Variants in MYRIP observed in about 807,000 individuals in gnomAD.
MYRIP encodes the protein myosin VIIA and Rab interacting protein.
A neutral mutation model predicts 98.0 loss-of-function variants in MYRIP; 49 were observed. The ratio of observed to expected loss-of-function variants is 0.50; its 90% confidence interval spans 0.40 to 0.63. The LOEUF (loss-of-function observed/expected upper bound fraction) is 0.63, where lower values mean the gene tolerates loss of function less well. MYRIP is among the 30% of genes least tolerant of loss of function. The pLI is 0.00. For synonymous variants in MYRIP, 404 were observed against 409.5 expected, an observed-to-expected ratio of 0.99 and a Z score of 0.16; for missense variants, 1,004 against 1,058.2, an observed-to-expected ratio of 0.95 and a Z score of 0.71.
chr3:40,192,322 A>ATATATATATATATATATATT (rs1951245741), intron 10 of MYRIP, among the ~76,000 whole-genome samples: 1 of 27,446 alleles, frequency 3.6e-5, no homozygotes, highest in Admixed American at 5.3e-4. Flanking sequence ...ATATATATAT[A>ATATATATATATATATATATT]TATGTCATAT....
intron 2 of MYRIP, among the ~76,000 whole-genome samples, chr3:39,928,446 C>T (rs962501720): frequency 6.0e-5 from 9 of 150,724 alleles, no homozygotes; most frequent in African/African-American, 2.2e-4. Context: ...AAAATATTAA[C>T]AAAATGTAGC....
chr3:39,999,811 T>C (rs1273536910), intron 2 of MYRIP, among the ~76,000 whole-genome samples: 2 of 151,872 alleles, frequency 1.3e-5, no homozygotes, highest in Non-Finnish European at 1.5e-5. Flanking sequence ...ATTAAGAAAA[T>C]GTGGGACATA....
At chr3:40,163,394 G>T (rs966682151) in intron 5 of MYRIP, among the ~76,000 whole-genome samples, 1 of 152,104 alleles carries the variant, frequency 6.6e-6, no homozygotes, top group African/African-American at 2.4e-5. Flanking sequence ...ACTTGACTTG[G>T]GCTAAGGGAT....
intron 9 of MYRIP, among the ~76,000 whole-genome samples, chr3:40,183,318 A>G (rs1437866730): frequency 2.0e-5 from 3 of 152,214 alleles, no homozygotes; most frequent in African/African-American, 7.2e-5. Flanking sequence ...TGAGGAAGGC[A>G]TTGATGTTTG....
At chr3:40,049,537 G>C (rs373746361) in intron 3 of MYRIP, among the ~76,000 whole-genome samples, 1 of 151,576 alleles carries the variant, frequency 6.6e-6, no homozygotes, top group East Asian at 1.9e-4. Flanking sequence ...GGTGGTTCTC[G>C]CATCTCTCTC....
Position 40,044,221 on chromosome 3 carries a change from C to G in MYRIP, c.282C>G (p.Ser94=). The G allele has an allele frequency of 6.2e-7, 1 of 1,614,196 alleles. No individual in the cohort carries two copies. The highest frequency in any genetic ancestry group is 1.1e-5 in the South Asian group (1 of 91,082). ...TCAATGTCTGCAAGAGCTGCTGCTC[C>G]TACCAGAAGCACGAAAAGGCCTGGG... The part of the protein sequence containing the change: ...CKFNVCKSCC[S]YQKHEKAWVC... Residue 94 remains serine, a synonymous_variant, in exon 3 of 17, where the codon TCC becomes TCG. Coordinates refer to ENST00000302541, the MANE Select transcript of MYRIP (RefSeq NM_015460.4).
chr3:40,207,446 T>G (rs1488586751), intron 10 of MYRIP, among the ~76,000 whole-genome samples: 1 of 152,154 alleles, frequency 6.6e-6, no homozygotes, highest in Non-Finnish European at 1.5e-5. Flanking sequence ...TGATTTTCAC[T>G]CAGGACCAGA....
intron 6 of MYRIP, 67 bp downstream of exon 6, chr3:40,167,010 G>A: frequency 1.4e-6 from 2 of 1,411,824 alleles, no homozygotes; most frequent in Non-Finnish European, 2.0e-6. Context: ...CCAGGAGAAA[G>A]TGCAGGTTGT....
At chr3:40,075,546 C>T (rs896332525) in intron 3 of MYRIP, among the ~76,000 whole-genome samples, 1 of 152,186 alleles carries the variant, frequency 6.6e-6, no homozygotes, top group South Asian at 2.1e-4. Flanking sequence ...GTGCCTCAAT[C>T]CTCTTGAGTA....
At chr3:39,968,699 A>G (rs1347783242) in intron 2 of MYRIP, among the ~76,000 whole-genome samples, 2 of 152,144 alleles carry the variant, frequency 1.3e-5, no homozygotes, top group African/African-American at 4.8e-5. Flanking sequence ...TTTTTGTACC[A>G]GTACCATGCT....
chr3:39,839,078 C>T (rs542450375), intron 1 of MYRIP, among the ~76,000 whole-genome samples: 71 of 152,060 alleles, frequency 4.7e-4, no homozygotes, highest in African/African-American at 1.7e-3. Flanking sequence ...TGATTCTTCT[C>T]TCTTTTCTTC....
chr3:40,240,409 C>G (rs1480890848), intron 12 of MYRIP, among the ~76,000 whole-genome samples: 2 of 152,170 alleles, frequency 1.3e-5, no homozygotes, highest in Non-Finnish European at 2.9e-5. Flanking sequence ...GAGTGCCAGA[C>G]AGTGGGCGCA....
chr3:40,198,008 T>A (rs1434757519), intron 10 of MYRIP, among the ~76,000 whole-genome samples: 2 of 152,152 alleles, frequency 1.3e-5, no homozygotes, highest in Non-Finnish European at 2.9e-5. Flanking sequence ...GCCACAGTAT[T>A]GAATACAGAG....
intron 2 of MYRIP, among the ~76,000 whole-genome samples, chr3:39,959,610 C>T (rs1310595765): frequency 6.6e-6 from 1 of 151,146 alleles, no homozygotes; most frequent in Non-Finnish European, 1.5e-5. Flanking sequence ...CAGCATGGCA[C>T]ATGTATACAT....
intron 16 of MYRIP, among the ~76,000 whole-genome samples, chr3:40,252,240 C>A (rs1478131651): frequency 2.0e-5 from 3 of 152,192 alleles, no homozygotes; most frequent in African/African-American, 7.2e-5. Flanking sequence ...AACTGTTACT[C>A]TAGAAATCAC....
intron 2 of MYRIP, among the ~76,000 whole-genome samples, chr3:40,007,782 T>G (rs949138756): frequency 3.3e-5 from 5 of 152,218 alleles, no homozygotes; most frequent in South Asian, 2.1e-4. Context: ...AGGGAAGAGT[T>G]GCACTTCAGT....
In MYRIP at chr3:39,873,060, G is replaced by C. The variant is rs535518799; in HGVS notation, c.-30-27727G>C. On this transcript the variant is annotated intron_variant, in intron 1 of 16. Coordinates refer to ENST00000302541, the MANE Select transcript of MYRIP (RefSeq NM_015460.4). ...TGGTGTGAGATGATATCTCATTGTG[G>C]TTTTGATTTGCATTTCTCTGATGGC... Among the ~76,000 whole-genome samples the C allele has an allele frequency of 6.6e-3, 1,001 of 152,286 alleles. 13 individuals carry two copies. The highest frequency in any genetic ancestry group is 0.023 in the African/African-American group (945 of 41,562).
In MYRIP at chr3:40,152,722, CTG is replaced by C. The variant is rs1950145924; in HGVS notation, c.469+1541_469+1542del. On this transcript the variant is annotated intron_variant, in intron 4 of 16. Coordinates refer to ENST00000302541, the MANE Select transcript of MYRIP (RefSeq NM_015460.4). Reference sequence around the variant, plus strand: ...TTACACAGCTGCCTCTCCTGCCAGACTGTGATATGCAGGTGGTAGCTTGTTTA... The same window carrying C: ...TTACACAGCTGCCTCTCCTGCCAGACTGATATGCAGGTGGTAGCTTGTTTA... Among the ~76,000 whole-genome samples, 3 of 152,314 alleles carry C rather than the reference CTG, an allele frequency of 2.0e-5. 1 individual carries two copies. The South Asian group carries it at 6.2e-4, about 32-fold the overall frequency.
At chr3:40,065,912 T>G (rs1948117486) in intron 3 of MYRIP, among the ~76,000 whole-genome samples, 1 of 152,152 alleles carries the variant, frequency 6.6e-6, no homozygotes, top group Non-Finnish European at 1.5e-5. Context: ...GAGCCTGGAC[T>G]ATGTTTCTCA....
Sources: gnomAD v4.1 joint callset for allele counts (sites outside exome capture counted in the v4.1 genomes callset) on GRCh38, gnomAD v4.1.1 for gene constraint, MANE v1.5 for transcripts, NCBI Gene and HGNC (gene_info 2026-07-23, HGNC 2026-07-21) for gene names.